ZNF775: variants seen among roughly 807,000 people sequenced by gnomAD.
ZNF775 encodes the protein zinc finger protein 775.
In ZNF775, 1 loss-of-function variant was observed where a neutral mutation model predicts 2.4. The observed-to-expected ratio is 0.41, with a 90% CI of 0.15 to 1.94. The LOEUF (loss-of-function observed/expected upper bound fraction) is 1.94, where lower values mean the gene tolerates loss of function less well. Ranked by LOEUF, ZNF775 falls within the 30% of genes most tolerant of loss-of-function variation. The pLI, the probability that ZNF775 is intolerant of heterozygous loss-of-function variation, is 0.30. For synonymous variants in ZNF775, 381 were observed against 373.3 expected, an observed-to-expected ratio of 1.02 and a Z score of -0.24; for missense variants, 823 against 826.6, an observed-to-expected ratio of 1.00 and a Z score of 0.05.
chr7:150,386,452 C>T (rs574172951), intron 1 of ZNF775, among the ~76,000 whole-genome samples: 15 of 152,288 alleles, frequency 9.8e-5, no homozygotes, highest in Admixed American at 2.6e-4. Context: ...ACCCCTCCCC[C>T]GACGTCTCTT....
At chr7:150,381,553 C>A in intron 1 of ZNF775, among the ~76,000 whole-genome samples, 1 of 151,372 alleles carries the variant, frequency 6.6e-6, no homozygotes, top group South Asian at 2.1e-4. Flanking sequence ...CCCGCCATCC[C>A]CACCCCCCAC....
intron 2 of ZNF775, among the ~76,000 whole-genome samples, chr7:150,389,224 C>T (rs1246629493): frequency 5.3e-5 from 8 of 152,214 alleles, no homozygotes; most frequent in Admixed American, 4.6e-4. Context: ...CCCTTTGGCA[C>T]AGTGTGACTC....
In ZNF775 at chr7:150,384,092, G is replaced by A. The variant is rs1800410677; in HGVS notation, c.-49-4330G>A. ...TCATGGCAGCTGGGCCCAGGCTGAG[G>A]CCTGCCCACTGTGAGGCTCTTAACT... On this transcript the variant is annotated intron_variant, in intron 1 of 2. Coordinates refer to ENST00000329630, the MANE Select transcript of ZNF775 (RefSeq NM_173680.4). This position sits in a 1 kb window ranked among gnomAD's most constrained non-coding sequence, Gnocchi z 4.1. Among the ~76,000 whole-genome samples, 1 of 152,218 alleles carries A rather than the reference G, an allele frequency of 6.6e-6. No individual in the cohort carries two copies. Among genetic ancestry groups the A allele is most frequent in the Admixed American group, 6.5e-5 (1 of 15,292 alleles).
chr7:150,392,789 C>T (rs958182327), intron 2 of ZNF775, among the ~76,000 whole-genome samples: 1 of 152,214 alleles, frequency 6.6e-6, no homozygotes, highest in Non-Finnish European at 1.5e-5. Context: ...CTGCCTTAGC[C>T]TCCCAAAGTG....
At position 150,396,499 on chromosome 7, in the gene ZNF775, C is replaced by T; in HGVS notation, c.32-14C>T. The T allele has an allele frequency of 6.4e-7, 1 of 1,574,798 alleles. No individual in the cohort carries two copies. The highest frequency in any genetic ancestry group is 1.2e-5 in the South Asian group (1 of 86,124). ...TGACCTCTCTCCCTCCTCTCTCCCG[C>T]TTGCCTCTGGCAGGAGCTGGGCTGG... On this transcript the variant is annotated splice_polypyrimidine_tract_variant and intron_variant, in intron 2 of 2. Transcript: ENST00000329630.
Position 150,398,133 on chromosome 7 carries a change from A to ATGTTTGCGGGGTG in ZNF775, c.*42_*54dup. 1 of 1,531,930 alleles carries ATGTTTGCGGGGTG rather than the reference A, an allele frequency of 6.5e-7. No homozygotes were observed. The highest frequency in any genetic ancestry group is 1.2e-5 in the South Asian group (1 of 83,866). 94.9% of individuals were successfully genotyped at this position (1,531,930 alleles called of 1,614,324 possible). Reference sequence around the variant, plus strand: ...CAGCGGACCCGTGGTGGTGCGGGGGATGTTTGCGGGGTGTGTGTGGGGAGT... The same window carrying ATGTTTGCGGGGTG: ...CAGCGGACCCGTGGTGGTGCGGGGGATGTTTGCGGGGTGTGTTTGCGGGGTGTGTGTGGGGAGT... On this transcript the variant is annotated 3_prime_UTR_variant, in exon 3 of 3. Coordinates refer to ENST00000329630, the MANE Select transcript of ZNF775 (RefSeq NM_173680.4).
intron 2 of ZNF775, 31 bp from the exon 3 acceptor site, chr7:150,396,482 C>T (rs769545503): frequency 6.5e-7 from 1 of 1,549,180 alleles, no homozygotes. Flanking sequence ...AGTGACCTCT[C>T]TCCCTCCTCT....
chr7:150,379,562 G>GC (rs1800324578), intron 1 of ZNF775, among the ~76,000 whole-genome samples, 170 bp downstream of exon 1: 1 of 151,494 alleles, frequency 6.6e-6, no homozygotes, highest in Admixed American at 6.6e-5. Flanking sequence ...AGCCCCGCGC[G>GC]CCCCCCGAGC....
chr7:150,391,785 C>T (rs983902932), intron 2 of ZNF775, among the ~76,000 whole-genome samples: 1 of 131,258 alleles, frequency 7.6e-6, no homozygotes, highest in Non-Finnish European at 1.5e-5. Context: ...GATATCAGCT[C>T]ACTGCAACCT....
At chr7:150,396,425 C>T in intron 2 of ZNF775, 88 bp from the exon 3 acceptor site, 1 of 1,451,546 alleles carries the variant, frequency 6.9e-7, no homozygotes, top group South Asian at 1.5e-5. Flanking sequence ...TCCTGCACCA[C>T]TTCCCTCTCT....
rs750051003 is a variant in ZNF775 at position 150,397,758 on chromosome 7, G to A, written c.1277G>A (p.Arg426Gln). The A allele has an allele frequency of 2.0e-6, 3 of 1,506,146 alleles. No homozygotes were observed. Among genetic ancestry groups the A allele is most frequent in the South Asian group, 1.2e-5 (1 of 80,542 alleles). 93.3% of individuals were successfully genotyped at this position (1,506,146 alleles called of 1,614,324 possible). Residue 426 changes from arginine (R) to glutamine (Q), a missense_variant, in exon 3 of 3, where the codon CGG (arginine) becomes CAG (glutamine). Transcript: ENST00000329630. ...AGCTCCCAACGGTCCCCGGGGGCCC[G>A]GGACACGCTGTGGGGCCGGGGACAA... is the stretch of plus-strand genomic sequence containing the variant. Reference protein sequence around the residue: ...PRSSQRSPGARDTLWGRGQAG... With the variant: ...PRSSQRSPGAQDTLWGRGQAG...
rs779055563 is a variant in ZNF775 at position 150,398,091 on chromosome 7, G to A, written c.1610G>A (p.Arg537His). Residue 537 changes from arginine to histidine, a missense_variant, in exon 3 of 3, where the codon CGC becomes CAC. Coordinates refer to ENST00000329630, the MANE Select transcript of ZNF775 (RefSeq NM_173680.4). ...APACSPKEEA[R>H] Reference sequence around the variant, plus strand: ...GCGTGCAGCCCCAAGGAGGAGGCGCGCTAGTGGACTGGACCTCAGCGGACC... The same window carrying A: ...GCGTGCAGCCCCAAGGAGGAGGCGCACTAGTGGACTGGACCTCAGCGGACC... 6.5e-7 allele frequency: 1 copy of A among 1,548,376 alleles called. No individual in the cohort carries two copies. Among genetic ancestry groups the A allele is most frequent in the South Asian group, 1.2e-5 (1 of 85,366 alleles).
At position 150,397,189 on chromosome 7, in the gene ZNF775, C is replaced by G. The variant is rs1800680930; in HGVS notation, c.708C>G (p.Ala236=). 1 of 1,187,482 alleles carries G rather than the reference C, an allele frequency of 8.4e-7. No individual in the cohort carries two copies. 73.6% of individuals were successfully genotyped at this position (1,187,482 alleles called of 1,614,324 possible). A position where few individuals can be genotyped will look rare whatever the true frequency, so the allele number is the denominator to read the frequency against. Residue 236 remains alanine, a synonymous_variant, in exon 3 of 3, where the codon GCC becomes GCG. Coordinates refer to ENST00000329630, the MANE Select transcript of ZNF775 (RefSeq NM_173680.4). ...TTCAGGACGCGGCGGCGCGCCGGGC[C>G]TGTCGCCTGCAGCCGGGGCCGCCGC... ...ELIQDAAARR[A]CRLQPGPPRG... is the part of the protein sequence containing the mutation.
chr7:150,398,030 C>T lies in ZNF775; in HGVS notation c.1549C>T (p.Leu517=), dbSNP rs1373343658. 3 of 1,578,618 alleles carry T rather than the reference C, an allele frequency of 1.9e-6. No homozygotes were observed. The highest frequency in any genetic ancestry group is 1.7e-6 in the Non-Finnish European group (2 of 1,167,888). ...CCGCGGCTTCAGCCAGAAGCAGCAC[C>T]TGCTCAAGCACCAGCGCGTGCACCG... ...CGRGFSQKQH[L]LKHQRVHRAA... is the part of the protein sequence containing the mutation. Residue 517 remains leucine (L), a synonymous_variant, in exon 3 of 3, where the codon CTG becomes TTG. Transcript: ENST00000329630.
At position 150,397,120 on chromosome 7, in the gene ZNF775, C is replaced by T; in HGVS notation, c.639C>T (p.His213=). 1.3e-6 allele frequency: 2 copies of T among 1,518,770 alleles called. No individual in the cohort carries two copies. The highest frequency in any genetic ancestry group is 1.8e-6 in the Non-Finnish European group (2 of 1,141,908). 94.1% of individuals were successfully genotyped at this position (1,518,770 alleles called of 1,614,324 possible). The change falls in exon 3 of 3, where the codon CAC becomes CAT. Residue 213 remains histidine, a synonymous_variant. Coordinates refer to ENST00000329630, the MANE Select transcript of ZNF775 (RefSeq NM_173680.4). ...QVGLRIHQRA[H]ARDRQGSRAG... ...GCCTCCGCATCCACCAGCGCGCGCA[C>T]GCCCGGGACCGCCAGGGCTCCCGCG...
At chr7:150,386,549 G>C (rs951769343) in intron 1 of ZNF775, among the ~76,000 whole-genome samples, 1 of 152,110 alleles carries the variant, frequency 6.6e-6, no homozygotes, top group African/African-American at 2.4e-5. Context: ...GGGTCTCTGC[G>C]AGGCTCTCGG....
chr7:150,391,570 T>C (rs1371850423), intron 2 of ZNF775, among the ~76,000 whole-genome samples: 1 of 152,170 alleles, frequency 6.6e-6, no homozygotes. Context: ...ATGTCATTTC[T>C]TAGTTGCACT....
intron 1 of ZNF775, among the ~76,000 whole-genome samples, chr7:150,381,536 T>C (rs1164009314): frequency 6.6e-6 from 1 of 152,128 alleles, no homozygotes; most frequent in Non-Finnish European, 1.5e-5. Flanking sequence ...TCTCACACTG[T>C]TTGCGTCCCG....
chr7:150,381,717 CCT>C (rs1358663889), intron 1 of ZNF775, among the ~76,000 whole-genome samples: 1 of 152,152 alleles, frequency 6.6e-6, no homozygotes, highest in Non-Finnish European at 1.5e-5. Flanking sequence ...CTGTCTGGGG[CCT>C]CTCAGCGGCT....
Sources: gnomAD v4.1 joint callset for allele counts (sites outside exome capture counted in the v4.1 genomes callset) on GRCh38, gnomAD v4.1.1 for gene constraint, Gnocchi (gnomAD v3.1) non-coding constraint, MANE v1.5 for transcripts, NCBI Gene and HGNC (gene_info 2026-07-23, HGNC 2026-07-21) for gene names.